The following MIS18BP1 variants were observed in gnomAD, a reference collection of about 807,000 sequenced individuals.
MIS18BP1 encodes the protein MIS18 binding protein 1.
MIS18BP1 carries 72 observed loss-of-function variants against 116.1 expected under a neutral mutation model. The observed-to-expected ratio is 0.62, with a 90% confidence interval of 0.51 to 0.75. The LOEUF (loss-of-function observed/expected upper bound fraction) is 0.75. Ranked by LOEUF, MIS18BP1 falls within the 30% of genes least tolerant of loss-of-function variation. The pLI, the probability that MIS18BP1 is intolerant of heterozygous loss-of-function variation, is 0.00. For missense variants in MIS18BP1, 1,363 were observed against 1,303.2 expected, an observed-to-expected ratio of 1.05 and a Z score of -0.71; for synonymous variants, 386 against 427.0, an observed-to-expected ratio of 0.90 and a Z score of 1.18.
intron 1 of MIS18BP1, among the ~76,000 whole-genome samples, chr14:45,251,846 A>G (rs1426437087): frequency 6.6e-6 from 1 of 152,272 alleles, no homozygotes; most frequent in East Asian, 1.9e-4. Context: ...TTTTCATATC[A>G]CATTGGTAAA....
intron 1 of MIS18BP1, chr14:45,250,130 T>C (rs1891828793): frequency 6.6e-6 from 1 of 152,144 alleles, no homozygotes; most frequent in Admixed American, 6.6e-5. Context: ...TTTCCTAATG[T>C]CCCTGCCCCT....
intron 6 of MIS18BP1, among the ~76,000 whole-genome samples, chr14:45,234,759 CCA>C (rs1205625562): frequency 6.6e-6 from 1 of 152,080 alleles, no homozygotes; most frequent in African/African-American, 2.4e-5. Context: ...GTGTTTTTCT[CCA>C]GTTATATTCA....
Position 45,218,336 on chromosome 14 carries a change from C to T in MIS18BP1, c.2788G>A (p.Gly930Arg), listed in dbSNP as rs752694091. The T allele has an allele frequency of 4.3e-6, 7 of 1,613,886 alleles. No individual in the cohort carries two copies. Among genetic ancestry groups the T allele is most frequent in the Non-Finnish European group, 5.9e-6 (7 of 1,180,004 alleles). ...RKYMENPRGK[G>R]SQKHVTKKKP... ...TTCTTAGTGACATGTTTCTGGGATC[C>T]TTTTCCTCTGGGATTTTCCATGTAT... The change falls in exon 12 of 17, where the codon GGA becomes AGA. Residue 930 changes from glycine (G) to arginine (R), a missense_variant. Physicochemically the swap from Gly to Arg is moderately radical, Grantham distance 125. Coordinates refer to ENST00000310806, the MANE Select transcript of MIS18BP1 (RefSeq NM_018353.5).
intron 11 of MIS18BP1, among the ~76,000 whole-genome samples, chr14:45,221,469 A>C (rs539138937): frequency 1.4e-4 from 21 of 149,804 alleles, no homozygotes; most frequent in African/African-American, 5.4e-4. Context: ...ATAAAATAAA[A>C]GAATATTTTC....
intron 6 of MIS18BP1, among the ~76,000 whole-genome samples, chr14:45,235,029 C>T (rs1361398058): frequency 6.6e-6 from 1 of 151,898 alleles, no homozygotes. Flanking sequence ...ACCAGCCTGG[C>T]CAACATGGTG....
rs775509866 is a variant in MIS18BP1, at chr14:45,217,158, T to C, written c.2864A>G (p.Gln955Arg). 1 of 1,614,132 alleles carries C rather than the reference T, an allele frequency of 6.2e-7. No individual in the cohort carries two copies. The highest frequency in any genetic ancestry group is 8.5e-7 in the Non-Finnish European group (1 of 1,180,000). Residue 955 changes from glutamine (Q) to arginine (R), a missense_variant, in exon 13 of 17, where the codon CAG becomes CGG. Coordinates refer to ENST00000310806, the MANE Select transcript of MIS18BP1 (RefSeq NM_018353.5). ...GQNGKRGDAD[Q>R]KQTIKITAKV... Reference sequence around the variant, plus strand: ...GGCAGTTATCTTAATAGTTTGTTTCTGATCAGCATCACCTCTCTTGCCTTA... The same window carrying C: ...GGCAGTTATCTTAATAGTTTGTTTCCGATCAGCATCACCTCTCTTGCCTTA...
chr14:45,208,761 A>G (rs188992736), intron 14 of MIS18BP1, among the ~76,000 whole-genome samples: 1 of 152,280 alleles, frequency 6.6e-6, no homozygotes, highest in East Asian at 1.9e-4. Context: ...GCCTAGGAAA[A>G]TTATATTTTT....
chr14:45,227,041 C>G (rs1296699146), intron 9 of MIS18BP1, among the ~76,000 whole-genome samples: 2 of 152,168 alleles, frequency 1.3e-5, no homozygotes, highest in African/African-American at 4.8e-5. Context: ...TACATATTTT[C>G]TACATTAATT....
intron 4 of MIS18BP1, among the ~76,000 whole-genome samples, chr14:45,239,075 G>A (rs534447914): frequency 5.9e-5 from 9 of 152,218 alleles, no homozygotes; most frequent in African/African-American, 2.2e-4. Context: ...CCAGTCAGAT[G>A]GAGATAATAA....
rs1351493903 is a variant in MIS18BP1 at position 45,235,895 on chromosome 14, C to T, written c.1267G>A (p.Glu423Lys). ...GATATAGTCCTAAGTTTGTTGTGCT[C>T]AATCCGCTCTATAATTACATTACTG... ...WHSNVIIERI[E>K]HNKLRTISGN... Residue 423 changes from glutamate to lysine, a missense_variant, in exon 6 of 17, where the codon GAG (glutamate) becomes AAG (lysine). Glu to Lys is a moderately conservative substitution (Grantham distance 56, BLOSUM62 1). Coordinates refer to ENST00000310806, the MANE Select transcript of MIS18BP1 (RefSeq NM_018353.5). 1.9e-6 allele frequency: 3 copies of T among 1,611,598 alleles called. No individual in the cohort carries two copies. In the South Asian group the frequency reaches 3.3e-5, roughly 18 times the overall value.
intron 2 of MIS18BP1, among the ~76,000 whole-genome samples, chr14:45,246,238 G>A (rs1485937171): frequency 6.6e-6 from 1 of 152,048 alleles, no homozygotes; most frequent in Non-Finnish European, 1.5e-5. Flanking sequence ...TTACCTACAA[G>A]GCCCTTATAT....
chr14:45,210,664 T>G (rs1890650428), intron 13 of MIS18BP1, 136 bp from the exon 14 acceptor site: 1 of 958,096 alleles, frequency 1.0e-6, no homozygotes, highest in African/African-American at 1.7e-5. Context: ...CAGTAGTACG[T>G]AGAGGAGTAG....
chr14:45,235,878 C>T lies in MIS18BP1; in HGVS notation c.1284G>A (p.Arg428=), dbSNP rs747464670. The change falls in exon 6 of 17, where the codon AGG becomes AGA. Residue 428 remains arginine, a synonymous_variant. Coordinates refer to ENST00000310806, the MANE Select transcript of MIS18BP1 (RefSeq NM_018353.5). ...IIERIEHNKL[R]TISGNVYILK... ...ATATATAAACGTTGCCTGATATAGT[C>T]CTAAGTTTGTTGTGCTCAATCCGCT... is the stretch of plus-strand genomic sequence containing the variant. 1.2e-6 allele frequency: 2 copies of T among 1,611,402 alleles called. No individual in the cohort carries two copies. Among genetic ancestry groups the T allele is most frequent in the Admixed American group, 3.4e-5 (2 of 59,692 alleles).
intron 5 of MIS18BP1, 103 bp from the exon 6 acceptor site, chr14:45,236,047 T>C (rs1245917584): frequency 2.9e-6 from 3 of 1,042,970 alleles, no homozygotes; most frequent in African/African-American, 1.7e-5. Flanking sequence ...AGAATGTTAT[T>C]AGTCTAATTA....
intron 11 of MIS18BP1, among the ~76,000 whole-genome samples, chr14:45,222,989 G>A (rs1425502634): frequency 6.6e-6 from 1 of 152,186 alleles, no homozygotes; most frequent in Non-Finnish European, 1.5e-5. Context: ...CAGAGTTTTA[G>A]ATATATCTCA....
chr14:45,235,416 C>A (rs552460370), intron 6 of MIS18BP1, among the ~76,000 whole-genome samples: 2 of 151,314 alleles, frequency 1.3e-5, no homozygotes, highest in Admixed American at 6.6e-5. Flanking sequence ...CCTGGTGAAA[C>A]CCCGTCTCTA....
At chr14:45,225,885 C>T (rs1052280003) in intron 10 of MIS18BP1, among the ~76,000 whole-genome samples, 7 of 152,070 alleles carry the variant, frequency 4.6e-5, no homozygotes, top group Non-Finnish European at 1.0e-4. Flanking sequence ...CAGAATGAGA[C>T]TGATAGATAA....
At chr14:45,247,586 G>A (rs1319859865) in intron 1 of MIS18BP1, among the ~76,000 whole-genome samples, 1 of 152,026 alleles carries the variant, frequency 6.6e-6, no homozygotes, top group African/African-American at 2.4e-5. Flanking sequence ...TGTAGTCCTA[G>A]CTACTTGGGA....
intron 1 of MIS18BP1, among the ~76,000 whole-genome samples, chr14:45,248,437 T>C (rs996306957): frequency 1.6e-4 from 24 of 152,154 alleles, no homozygotes; most frequent in Admixed American, 6.5e-5. Context: ...AGGAACCATA[T>C]AGTTGCATTA....
Sources: gnomAD v4.1 joint callset for allele counts (sites outside exome capture counted in the v4.1 genomes callset) on GRCh38, gnomAD v4.1.1 for gene constraint, MANE v1.5 for transcripts, NCBI Gene and HGNC (gene_info 2026-07-23, HGNC 2026-07-21) for gene names.